ZNF345: variants seen among roughly 807,000 people sequenced by gnomAD.
ZNF345 encodes the protein zinc finger protein HZF10.
For synonymous variants in ZNF345, 166 were observed against 187.9 expected (o/e 0.88, Z 0.95); for missense variants, 527 against 589.9 (o/e 0.89, Z 1.10).
chr19:36,854,009 G>A (rs2072347765), intron 2 of ZNF345, among the ~76,000 whole-genome samples: 2 of 152,116 alleles, frequency 1.3e-5, no homozygotes, highest in African/African-American at 4.8e-5. Context: ...CTTGATCTGA[G>A]CCAAAAGGCC....
upstream of ZNF345, chr19:36,850,868 C>G (rs1356611443): frequency 6.6e-6 from 1 of 152,318 alleles, no homozygotes; most frequent in Non-Finnish European, 1.5e-5. Flanking sequence ...TGGGCGGGAT[C>G]TTCCCGCGGA....
chr19:36,880,780 A>G (rs2072963120), downstream of ZNF345, among the ~76,000 whole-genome samples: 1 of 152,222 alleles, frequency 6.6e-6, no homozygotes, highest in Non-Finnish European at 1.5e-5. Context: ...CCTGTCTCTA[A>G]AAATAAATGA....
chr19:36,883,427 C>T (rs532967675), downstream of ZNF345, among the ~76,000 whole-genome samples: 68 of 152,302 alleles, frequency 4.5e-4, no homozygotes, highest in African/African-American at 1.4e-3. Context: ...GGTGATTTCA[C>T]CCCCGTGGGT....
At chr19:36,882,938 G>A (rs1333319222), downstream of ZNF345, among the ~76,000 whole-genome samples, 1 of 151,946 alleles carries the variant, frequency 6.6e-6, no homozygotes, top group African/African-American at 2.4e-5. Flanking sequence ...GGCACAAAAC[G>A]CCCAGCTATA....
chr19:36,892,824 C>T (rs771493994), exon 4 of ZNF345: 97 of 869,390 alleles, frequency 1.1e-4, no homozygotes, highest in Non-Finnish European at 1.2e-4. Context: ...CCAGATCCCC[C>T]ACAGGCGCTG....
At chr19:36,868,896 T>C (rs1431082113) in intron 2 of ZNF345, among the ~76,000 whole-genome samples, 1 of 152,134 alleles carries the variant, frequency 6.6e-6, no homozygotes, top group Non-Finnish European at 1.5e-5. Context: ...ACTGCTGGGA[T>C]TACCGCCCCG....
At chr19:36,891,736 T>G in intron 3 of ZNF345, 5 of 1,614,142 alleles carry the variant, frequency 3.1e-6, no homozygotes, top group Non-Finnish European at 4.2e-6. Flanking sequence ...TTCACATTCA[T>G]AGAGCTTCTC....
intron 2 of ZNF345, chr19:36,858,238 C>A (rs1358143232): frequency 1.3e-5 from 2 of 152,858 alleles, no homozygotes; most frequent in African/African-American, 4.8e-5. Context: ...TAAGACTAAT[C>A]AAGCAAAGCA....
intron 3 of ZNF345, among the ~76,000 whole-genome samples, chr19:36,885,013 G>A (rs1023506634): frequency 6.6e-6 from 1 of 152,062 alleles, no homozygotes; most frequent in Non-Finnish European, 1.5e-5. Context: ...GAATGGAATT[G>A]CTGAGTCAGA....
Position 36,860,192 on chromosome 19 carries a change from C to T in ZNF345, c.-47+8288C>T, listed in dbSNP as rs1487884613. ...CAGAATGGTCTCAATCTCCTGACCT[C>T]GTGATCCGCCTGCCTTGGCCTCCCA... On this transcript the variant is annotated intron_variant, in intron 2 of 2. Transcript: ENST00000420450. 3.9e-5 allele frequency among the ~76,000 whole-genome samples: 6 copies of T among 152,034 alleles called. No individual in the cohort carries two copies. In the East Asian group the frequency reaches 5.8e-4, roughly 15 times the overall value.
At chr19:36,864,375 G>T (rs1447524830) in intron 2 of ZNF345, among the ~76,000 whole-genome samples, 2 of 151,982 alleles carry the variant, frequency 1.3e-5, no homozygotes, top group African/African-American at 4.8e-5. Flanking sequence ...AATTAGCCAG[G>T]TGTGGTGCAT....
chr19:36,859,419 G>A (rs191686267), intron 2 of ZNF345, among the ~76,000 whole-genome samples: 1 of 151,470 alleles, frequency 6.6e-6, no homozygotes, highest in African/African-American at 2.4e-5. Context: ...GCCTCCCAAA[G>A]TGCTGGGATT....
At position 36,877,495 on chromosome 19, in the gene ZNF345, G is replaced by C; in HGVS notation, c.665G>C (p.Arg222Pro). Residue 222 changes from arginine to proline, a missense_variant, in exon 3 of 3, where the codon CGG becomes CCG. Arg to Pro is a moderately radical substitution (Grantham distance 103). Coordinates refer to ENST00000420450, the MANE Select transcript of ZNF345 (RefSeq NM_001242472.2). ...GGTTCAAACCTTACTCAACATCGGCGGATTCATACTGGTGAGAAACCTTAT... is the reference window on the plus strand; with the variant it reads ...GGTTCAAACCTTACTCAACATCGGCCGATTCATACTGGTGAGAAACCTTAT... Reference protein sequence around the residue: ...GSGSNLTQHRRIHTGEKPYEC... With the variant: ...GSGSNLTQHRPIHTGEKPYEC... 4 of 1,614,124 alleles carry C rather than the reference G, an allele frequency of 2.5e-6. No individual in the cohort carries two copies. Among genetic ancestry groups the C allele is most frequent in the Non-Finnish European group, 3.4e-6 (4 of 1,180,016 alleles).
chr19:36,857,256 A>G (rs933793362), intron 2 of ZNF345, among the ~76,000 whole-genome samples: 1 of 152,008 alleles, frequency 6.6e-6, no homozygotes, highest in African/African-American at 2.4e-5. Flanking sequence ...TTTCAGTAAA[A>G]TTATAATTAT....
intron 2 of ZNF345, among the ~76,000 whole-genome samples, chr19:36,854,292 T>C (rs1465012000): frequency 1.3e-5 from 2 of 150,322 alleles, no homozygotes; most frequent in Non-Finnish European, 3.0e-5. Context: ...GTCCCCCTCC[T>C]CCACCTCTTC....
intron 2 of ZNF345, among the ~76,000 whole-genome samples, chr19:36,871,322 G>T (rs971219191): frequency 6.6e-6 from 1 of 152,088 alleles, no homozygotes; most frequent in African/African-American, 2.4e-5. Flanking sequence ...TTCATTTGGG[G>T]GTTGGGAGGA....
chr19:36,852,262 C>T lies in ZNF345; in HGVS notation c.-47+358C>T, dbSNP rs547670374. On this transcript the variant is annotated intron_variant, in intron 2 of 2. Transcript: ENST00000420450. Reference sequence around the variant, plus strand: ...GCAGTGTGACTATGATCATTTTGTGCGCATATTTTGGTACACATTTGCTTG... The same window carrying T: ...GCAGTGTGACTATGATCATTTTGTGTGCATATTTTGGTACACATTTGCTTG... 8.0e-5 allele frequency among the ~76,000 whole-genome samples: 12 copies of T among 150,744 alleles called. No homozygotes were observed. The South Asian group carries it at 1.3e-3, about 16-fold the overall frequency.
intron 2 of ZNF345, among the ~76,000 whole-genome samples, chr19:36,861,526 G>A (rs2072546492): frequency 1.3e-5 from 2 of 152,124 alleles, no homozygotes; most frequent in Middle Eastern, 3.2e-3. Flanking sequence ...GTAGGGTTCA[G>A]TATTTGCTTA....
At chr19:36,864,404 A>C (rs1162098969) in intron 2 of ZNF345, among the ~76,000 whole-genome samples, 4 of 152,026 alleles carry the variant, frequency 2.6e-5, no homozygotes, top group African/African-American at 9.7e-5. Context: ...ATTCCTAGCT[A>C]CTTGGGAGGC....
Sources: allele counts gnomAD v4.1 joint callset (sites outside exome capture counted in the v4.1 genomes callset), GRCh38; gene constraint gnomAD v4.1.1; transcripts MANE v1.5; gene names NCBI Gene and HGNC (gene_info 2026-07-23, HGNC 2026-07-21).